Variants in SLC38A3 observed in about 807,000 individuals in gnomAD.
The protein encoded by SLC38A3 is sodium-coupled neutral amino acid transporter 3.
Under a neutral mutation model 59.5 loss-of-function variants are expected in SLC38A3, and 17 were observed. That is an observed-to-expected ratio of 0.29 (90% CI 0.20 to 0.43). The LOEUF is 0.43. SLC38A3 is among the 20% of genes least tolerant of loss of function. SLC38A3 has a pLI of 1.00. For synonymous variants in SLC38A3, 238 were observed against 260.3 expected (o/e 0.91, Z 0.82); for missense variants, 454 against 653.9 (o/e 0.69, Z 3.33).
Position 50,220,335 on chromosome 3 carries a change from T to A in SLC38A3, c.*158T>A. 1.5e-6 allele frequency: 1 copy of A among 650,040 alleles called. No homozygotes were observed. The allele number at this position is 650,040 out of a possible 1,614,324, so 40.3% of individuals were successfully genotyped here. ...TGTCCTCTCTGTGGAAGGTTTTTGT[T>A]CAAGAGCCAGGACCAAGGCCCTTGG... On this transcript the variant is annotated 3_prime_UTR_variant, in exon 16 of 16. Coordinates refer to ENST00000614032, the MANE Select transcript of SLC38A3 (RefSeq NM_006841.6).
At position 50,218,776 on chromosome 3, in the gene SLC38A3, C is replaced by T. The variant is rs374947321; in HGVS notation, c.1162-28C>T. 2.5e-5 allele frequency: 40 copies of T among 1,598,900 alleles called. No individual in the cohort carries two copies. In the African/African-American group the frequency reaches 3.9e-4, roughly 16 times the overall value. The stretch of plus-strand genomic sequence containing the variant: ...GGGAGGGGCTGATGGGGCCAACAGG[C>T]TGATGATTCTTCTCACCTGCCCCCC... On this transcript the variant is annotated intron_variant, in intron 13 of 15. Coordinates refer to ENST00000614032, the MANE Select transcript of SLC38A3 (RefSeq NM_006841.6). The surrounding 1 kb of genome is among the most constrained non-coding windows in gnomAD (Gnocchi z 5.8).
At chr3:50,210,849 C>A (rs994084055) in intron 1 of SLC38A3, among the ~76,000 whole-genome samples, 10 of 152,190 alleles carry the variant, frequency 6.6e-5, no homozygotes, top group African/African-American at 1.4e-4. Flanking sequence ...ACATCCATGA[C>A]AGATGCCATT....
rs895305066 is a variant in SLC38A3, at chr3:50,219,040, A to C, written c.1306+92A>C. 5 of 1,484,040 alleles carry C rather than the reference A, an allele frequency of 3.4e-6. No homozygotes were observed. In the Admixed American group the frequency reaches 7.4e-5, roughly 22 times the overall value. 91.9% of individuals were successfully genotyped at this position (1,484,040 alleles called of 1,614,324 possible). A position where few individuals can be genotyped will look rare whatever the true frequency, so the allele number is the denominator to read the frequency against. On this transcript the variant is annotated intron_variant, in intron 14 of 15. Coordinates refer to ENST00000614032, the MANE Select transcript of SLC38A3 (RefSeq NM_006841.6). ...GCAGATTCCTGAGCTTACACCCTAC[A>C]TTAAGTGCAGTGGCCATGTGCACAG... is the stretch of plus-strand genomic sequence containing the variant.
At chr3:50,213,484 C>T (rs1217733093) in intron 1 of SLC38A3, among the ~76,000 whole-genome samples, 1 of 152,218 alleles carries the variant, frequency 6.6e-6, no homozygotes, top group Non-Finnish European at 1.5e-5. Context: ...AGGTGTCCAG[C>T]CACCCAGCAC....
In SLC38A3 at chr3:50,214,104, A is replaced by G; in HGVS notation, c.-51-45A>G. 1 of 1,188,642 alleles carries G rather than the reference A, an allele frequency of 8.4e-7. No homozygotes were observed. The highest frequency in any genetic ancestry group is 1.2e-6 in the Non-Finnish European group (1 of 823,608). 73.6% of individuals were successfully genotyped at this position (1,188,642 alleles called of 1,614,324 possible). On this transcript the variant is annotated intron_variant, in intron 1 of 15. Coordinates refer to ENST00000614032, the MANE Select transcript of SLC38A3 (RefSeq NM_006841.6). This position sits in a 1 kb window ranked among gnomAD's most constrained non-coding sequence, Gnocchi z 6.0. Reference sequence around the variant, plus strand: ...GGCCTCAGGTAGGAGGCTAGGCCGTAGGCCCAAGTAACGGGGCTAACCAGA... The same window carrying G: ...GGCCTCAGGTAGGAGGCTAGGCCGTGGGCCCAAGTAACGGGGCTAACCAGA...
chr3:50,209,072 G>A (rs192606349), intron 1 of SLC38A3, among the ~76,000 whole-genome samples: 38 of 152,336 alleles, frequency 2.5e-4, no homozygotes, highest in African/African-American at 8.7e-4. Flanking sequence ...TCAGCAGGGA[G>A]GAGAATGGGC....
Position 50,214,816 on chromosome 3 carries a change from C to G in SLC38A3, c.299+48C>G, listed in dbSNP as rs1180367856. 7.8e-7 allele frequency: 1 copy of G among 1,288,642 alleles called. No individual in the cohort carries two copies. Among genetic ancestry groups the G allele is most frequent in the East Asian group, 2.5e-5 (1 of 40,036 alleles). The allele number at this position is 1,288,642 out of a possible 1,614,324, so 79.8% of individuals were successfully genotyped here. A position where few individuals can be genotyped will look rare whatever the true frequency, so the allele number is the denominator to read the frequency against. On this transcript the variant is annotated intron_variant, in intron 4 of 15. Coordinates refer to ENST00000614032, the MANE Select transcript of SLC38A3 (RefSeq NM_006841.6). This position sits in a 1 kb window ranked among gnomAD's most constrained non-coding sequence, Gnocchi z 6.0. ...CTAAAGATAGGGGCCCTAAGCAAGC[C>G]ACCAATCATGACCTCCCAGGACCCG...
intron 1 of SLC38A3, among the ~76,000 whole-genome samples, chr3:50,210,300 C>CT (rs1195876529): frequency 6.6e-6 from 1 of 152,186 alleles, no homozygotes; most frequent in East Asian, 1.9e-4. Context: ...GCCCTCACCC[C>CT]TGAGCCCCCA....
chr3:50,219,788 C>G, intron 14 of SLC38A3, 93 bp from the exon 15 acceptor site: 1 of 1,031,078 alleles, frequency 9.7e-7, no homozygotes, highest in South Asian at 1.5e-5. Context: ...ACTCCCTCAA[C>G]AAGGAGTGTT....
chr3:50,210,830 G>A lies in SLC38A3; in HGVS notation c.-51-3319G>A, dbSNP rs961269385. Among the ~76,000 whole-genome samples, 9 of 152,176 alleles carry A rather than the reference G, an allele frequency of 5.9e-5. No homozygotes were observed. In the South Asian group the frequency reaches 1.9e-3, roughly 32 times the overall value. On this transcript the variant is annotated intron_variant, in intron 1 of 15. Coordinates refer to ENST00000614032, the MANE Select transcript of SLC38A3 (RefSeq NM_006841.6). Reference sequence around the variant, plus strand: ...CCTGGGCCATTGATTTACTGCCCGGGTTCACACTACATCCATGACAGATGC... The same window carrying A: ...CCTGGGCCATTGATTTACTGCCCGGATTCACACTACATCCATGACAGATGC...
chr3:50,215,889 G>GGGGGGGGGGGGGGGGGGGGGGGGGGCC lies in SLC38A3; in HGVS notation c.548+68_548+69insGGGGGGGGGGGGGGGGGGGGGGGGGCC. On this transcript the variant is annotated intron_variant, in intron 7 of 15. Coordinates refer to ENST00000614032, the MANE Select transcript of SLC38A3 (RefSeq NM_006841.6). The surrounding 1 kb of genome is among the most constrained non-coding windows in gnomAD (Gnocchi z 7.1). ...GTGAGGAGGGGTGGGGTGGGGTGGG[G>GGGGGGGGGGGGGGGGGGGGGGGGGGCC]CTGGGTGAGGGTGGGGGGGCCCAGG... 1 of 420,542 alleles carries GGGGGGGGGGGGGGGGGGGGGGGGGGCC rather than the reference G, an allele frequency of 2.4e-6. No homozygotes were observed. Among genetic ancestry groups the GGGGGGGGGGGGGGGGGGGGGGGGGGCC allele is most frequent in the Non-Finnish European group, 4.5e-6 (1 of 224,550 alleles). 26.1% of individuals were successfully genotyped at this position (420,542 alleles called of 1,614,324 possible).
chr3:50,215,252 C>T lies in SLC38A3; in HGVS notation c.300-134C>T. The T allele has an allele frequency of 1.3e-6, 1 of 745,806 alleles. No individual in the cohort carries two copies. The highest frequency in any genetic ancestry group is 2.3e-6 in the Non-Finnish European group (1 of 430,082). 46.2% of individuals were successfully genotyped at this position (745,806 alleles called of 1,614,324 possible). A position where few individuals can be genotyped will look rare whatever the true frequency, so the allele number is the denominator to read the frequency against. ...CCCCTGGGGCCTGCTGAGCTGGCAT[C>T]CATACCTGTTGGGAGTCCAGACACC... is the stretch of plus-strand genomic sequence containing the variant. On this transcript the variant is annotated intron_variant, in intron 4 of 15. Coordinates refer to ENST00000614032, the MANE Select transcript of SLC38A3 (RefSeq NM_006841.6). The surrounding 1 kb of genome is among the most constrained non-coding windows in gnomAD (Gnocchi z 7.1).
chr3:50,218,146 A>C lies in SLC38A3; in HGVS notation c.936-124A>C. The C allele has an allele frequency of 9.4e-7, 1 of 1,061,072 alleles. No homozygotes were observed. The highest frequency in any genetic ancestry group is 1.4e-6 in the Non-Finnish European group (1 of 695,630). The allele number at this position is 1,061,072 out of a possible 1,614,324, so 65.7% of individuals were successfully genotyped here. ...GCAGCCATGAGAGGTGATTATGAGC[A>C]AGAAGGAGACTCCCTCAGATGCTGA... is the stretch of plus-strand genomic sequence containing the variant. On this transcript the variant is annotated intron_variant, in intron 11 of 15. Transcript: ENST00000614032. The surrounding 1 kb of genome is among the most constrained non-coding windows in gnomAD (Gnocchi z 5.8).
chr3:50,220,118 T>C lies in SLC38A3; in HGVS notation c.1456T>C (p.Leu486=), dbSNP rs1203505049. The C allele has an allele frequency of 1.2e-6, 2 of 1,606,374 alleles. No individual in the cohort carries two copies. Among genetic ancestry groups the C allele is most frequent in the African/African-American group, 1.3e-5 (1 of 74,796 alleles). The change falls in exon 16 of 16, where the codon TTG becomes CTG. Residue 486 remains leucine (L), a synonymous_variant. Coordinates refer to ENST00000614032, the MANE Select transcript of SLC38A3 (RefSeq NM_006841.6). ...MLGFLLMTMS[L]SFIIIDWASG... Reference sequence around the variant, plus strand: ...TGGCTTCTTGCTGATGACCATGAGCTTGAGCTTCATCATCATTGACTGGGC... The same window carrying C: ...TGGCTTCTTGCTGATGACCATGAGCCTGAGCTTCATCATCATTGACTGGGC...
rs138939537 is a variant in SLC38A3 at position 50,219,452 on chromosome 3, G to T, written c.1307-429G>T. On this transcript the variant is annotated intron_variant, in intron 14 of 15. Transcript: ENST00000614032. The stretch of plus-strand genomic sequence containing the variant: ...CAAACTCTGCCAGGACTGACAAACA[G>T]ACCTGGGGGCTGAGTGTCATGGATA... 5.9e-5 allele frequency among the ~76,000 whole-genome samples: 9 copies of T among 152,330 alleles called. No homozygotes were observed. In the East Asian group the frequency reaches 1.7e-3, roughly 29 times the overall value.
Position 50,215,512 on chromosome 3 carries a change from A to AAGCTCCTGACTTCTTGACCC in SLC38A3, c.374-31_374-12dup. ...CGGGAGCTGGTGGGTAAACTGGGAC[A>AAGCTCCTGACTTCTTGACCC]AGCTCCTGACTTCTTGACCCTGCTC... On this transcript the variant is annotated intron_variant, in intron 5 of 15. Coordinates refer to ENST00000614032, the MANE Select transcript of SLC38A3 (RefSeq NM_006841.6). The surrounding 1 kb of genome is among the most constrained non-coding windows in gnomAD (Gnocchi z 7.1). The AAGCTCCTGACTTCTTGACCC allele has an allele frequency of 6.2e-7, 1 of 1,613,538 alleles. No homozygotes were observed.
Position 50,218,811 on chromosome 3 carries a change from G to A in SLC38A3, c.1169G>A (p.Arg390His), listed in dbSNP as rs754802212. The change falls in exon 14 of 16, where the codon CGC (arginine) becomes CAC (histidine). Residue 390 changes from arginine to histidine, a missense_variant. Transcript: ENST00000614032. The surrounding 1 kb of genome is among the most constrained non-coding windows in gnomAD (Gnocchi z 5.8). ...TVPIVLFPVR[R>H]AIQQMLFPNQ... ...TTCTCACCTGCCCCCCAGGTGCGCC[G>A]CGCCATCCAGCAGATGCTGTTTCCA... 8.1e-6 allele frequency: 13 copies of A among 1,607,548 alleles called. No individual in the cohort carries two copies. The highest frequency in any genetic ancestry group is 4.5e-5 in the East Asian group (2 of 44,672).
chr3:50,218,985 C>T lies in SLC38A3; in HGVS notation c.1306+37C>T, dbSNP rs766537717. The T allele has an allele frequency of 1.2e-4, 187 of 1,588,222 alleles. No individual in the cohort carries two copies. In the Admixed American group the frequency reaches 3.0e-3, roughly 26 times the overall value. ...GCCCTGCTGTGGAAGCAGGGTATTG[C>T]CCCAGAGGATTTCAACTCTGCAAAT... On this transcript the variant is annotated intron_variant, in intron 14 of 15. Coordinates refer to ENST00000614032, the MANE Select transcript of SLC38A3 (RefSeq NM_006841.6). The surrounding 1 kb of genome is among the most constrained non-coding windows in gnomAD (Gnocchi z 5.8).
chr3:50,218,025 G>A lies in SLC38A3; in HGVS notation c.935+29G>A. ...GGTGTCTGTGGCTGGGAGTGGGGGT[G>A]GGGATGCCCTGAGCTGGTTTGGGGA... On this transcript the variant is annotated intron_variant, in intron 11 of 15. Coordinates refer to ENST00000614032, the MANE Select transcript of SLC38A3 (RefSeq NM_006841.6). The surrounding 1 kb of genome is among the most constrained non-coding windows in gnomAD (Gnocchi z 5.8). The A allele has an allele frequency of 6.2e-7, 1 of 1,606,700 alleles. No homozygotes were observed. Among genetic ancestry groups the A allele is most frequent in the Non-Finnish European group, 8.5e-7 (1 of 1,173,678 alleles).
Sources: allele counts gnomAD v4.1 joint callset (sites outside exome capture counted in the v4.1 genomes callset), GRCh38; gene constraint gnomAD v4.1.1; non-coding constraint Gnocchi (gnomAD v3.1); transcripts MANE v1.5; gene names NCBI Gene and HGNC (gene_info 2026-07-23, HGNC 2026-07-21).